The following PDZRN4 variants were observed in gnomAD, a reference collection of about 807,000 sequenced individuals.
PDZRN4 encodes the protein PDZ domain-containing RING finger protein 4.
A neutral mutation model predicts 99.0 loss-of-function variants in PDZRN4; 70 were observed. The ratio of observed to expected loss-of-function variants is 0.71; its 90% confidence interval spans 0.58 to 0.86. The LOEUF (loss-of-function observed/expected upper bound fraction) is 0.86. Among genes scored for constraint, PDZRN4 ranks in the 40% least tolerant of loss-of-function variants. PDZRN4 has a pLI of 0.00. For synonymous variants in PDZRN4, 551 were observed against 501.6 expected, an observed-to-expected ratio of 1.10 and a Z score of -1.32; for missense variants, 1,474 against 1,331.2, an observed-to-expected ratio of 1.11 and a Z score of -1.67.
At chr12:41,280,009 G>C (rs1218738480) in intron 3 of PDZRN4, among the ~76,000 whole-genome samples, 1 of 152,142 alleles carries the variant, frequency 6.6e-6, no homozygotes, top group African/African-American at 2.4e-5. Flanking sequence ...TCCAACAGAG[G>C]TACCCGGTTC....
chr12:41,559,437 T>C (rs146152146), intron 7 of PDZRN4, among the ~76,000 whole-genome samples: 141 of 152,322 alleles, frequency 9.3e-4, no homozygotes, highest in Non-Finnish European at 1.5e-3. Context: ...GTGCTGAATA[T>C]GGCATTTCTG....
At chr12:41,269,390 T>C (rs567115223) in intron 3 of PDZRN4, among the ~76,000 whole-genome samples, 2 of 152,284 alleles carry the variant, frequency 1.3e-5, no homozygotes, top group South Asian at 4.1e-4. Context: ...TTATGTATCA[T>C]ACAAGAAGCA....
chr12:41,410,005 C>T (rs66562278), intron 3 of PDZRN4: 29,080 of 152,166 alleles, frequency 0.19, 3,041 homozygotes, highest in Non-Finnish European at 0.23. Context: ...TGACTAATTA[C>T]ATCTGCAATA....
At chr12:41,340,052 T>A (rs1951805301) in intron 3 of PDZRN4, among the ~76,000 whole-genome samples, 1 of 152,082 alleles carries the variant, frequency 6.6e-6, no homozygotes, top group Admixed American at 6.6e-5. Flanking sequence ...ACCTCCTATA[T>A]GATCCAGCAA....
intron 3 of PDZRN4, among the ~76,000 whole-genome samples, chr12:41,240,748 C>T (rs933086718): frequency 1.3e-5 from 2 of 152,106 alleles, no homozygotes; most frequent in East Asian, 1.9e-4. Context: ...ACATGGTGGA[C>T]GGGGCCAGCT....
rs1482468390 is a variant in PDZRN4 at position 41,563,643 on chromosome 12, G to T, written c.1461G>T (p.Glu487Asp). The T allele has an allele frequency of 6.2e-7, 1 of 1,610,616 alleles. No individual in the cohort carries two copies. Among genetic ancestry groups the T allele is most frequent in the Non-Finnish European group, 8.5e-7 (1 of 1,177,232 alleles). ...TCGTGCTGCTTGTTGCAAGGCCAGA[G>T]ATTCAGGTCAGAACAGAGATCAAAA... ...KRIVLLVARP[E>D]IQLDEGWLED... is the part of the protein sequence containing the mutation. Residue 487 changes from glutamate (E) to aspartate (D), a missense_variant, in exon 8 of 10, where the codon GAG (glutamate) becomes GAT (aspartate). By Grantham distance (45) the Glu-to-Asp change is conservative. Coordinates refer to ENST00000402685, the MANE Select transcript of PDZRN4 (RefSeq NM_001164595.2).
chr12:41,492,479 A>G (rs923775328), intron 3 of PDZRN4, among the ~76,000 whole-genome samples: 3 of 152,188 alleles, frequency 2.0e-5, no homozygotes, highest in Non-Finnish European at 4.4e-5. Flanking sequence ...AGTAAAAGCC[A>G]TCATGTTGCT....
chr12:41,552,861 T>C, intron 6 of PDZRN4, 107 bp downstream of exon 6: 2 of 815,676 alleles, frequency 2.5e-6, no homozygotes, highest in Non-Finnish European at 4.0e-6. Context: ...ATGTGAAGAA[T>C]TGGAGTTGGC....
At chr12:41,540,828 G>A (rs1272739951) in intron 5 of PDZRN4, among the ~76,000 whole-genome samples, 1 of 151,260 alleles carries the variant, frequency 6.6e-6, no homozygotes, top group Non-Finnish European at 1.5e-5. Flanking sequence ...CTTTTTCTTG[G>A]ACTGCAGCCC....
In PDZRN4 at chr12:41,194,103, C is replaced by A. The variant is rs758898694; in HGVS notation, c.758C>A (p.Thr253Asn). 2.0e-6 allele frequency: 3 copies of A among 1,528,620 alleles called. No individual in the cohort carries two copies. Among genetic ancestry groups the A allele is most frequent in the Non-Finnish European group, 2.7e-6 (3 of 1,115,300 alleles). The allele number at this position is 1,528,620 out of a possible 1,614,324, so 94.7% of individuals were successfully genotyped here. The change falls in exon 3 of 10, where the codon ACT (threonine) becomes AAT (asparagine). Residue 253 changes from threonine (T) to asparagine (N), a missense_variant. Transcript: ENST00000402685. ...TAGAATAATCAGGAAGGAACATCGA[C>A]TGAAGGAATTTACGTTTCAAAAATT... ...PNQNNQEGTSTEGIYVSKILE... is the reference protein window; with the variant it reads ...PNQNNQEGTSNEGIYVSKILE...
At chr12:41,272,547 C>T (rs1313805152) in intron 3 of PDZRN4, among the ~76,000 whole-genome samples, 3 of 151,912 alleles carry the variant, frequency 2.0e-5, no homozygotes. Flanking sequence ...TTAATTGCCT[C>T]AATAAATATA....
chr12:41,307,741 T>C (rs893531841), intron 3 of PDZRN4, among the ~76,000 whole-genome samples: 5 of 152,186 alleles, frequency 3.3e-5, no homozygotes, highest in Non-Finnish European at 2.9e-5. Context: ...ATATCCACTC[T>C]TGATTACATA....
intron 3 of PDZRN4, among the ~76,000 whole-genome samples, chr12:41,239,547 C>T (rs940231471): frequency 3.3e-5 from 5 of 152,126 alleles, no homozygotes; most frequent in African/African-American, 1.2e-4. Context: ...AGTGTAATAA[C>T]ATAGGGAAAT....
chr12:41,530,594 C>T (rs1399242768), intron 5 of PDZRN4, among the ~76,000 whole-genome samples: 1 of 152,116 alleles, frequency 6.6e-6, no homozygotes, highest in Non-Finnish European at 1.5e-5. Flanking sequence ...TATGCATAGA[C>T]TGGTGCATAT....
In PDZRN4 at chr12:41,465,544, C is replaced by G. The variant is rs113284602; in HGVS notation, c.844-40912C>G. Among the ~76,000 whole-genome samples, 1,028 of 152,140 alleles carry G rather than the reference C, an allele frequency of 6.8e-3. 13 individuals carry two copies. The highest frequency in any genetic ancestry group is 0.023 in the African/African-American group (950 of 41,502). Reference sequence around the variant, plus strand: ...TATGTATTGAAACAATAGTAAATGCCCTTCTTTGCTTATAGATAGGTTAAT... The same window carrying G: ...TATGTATTGAAACAATAGTAAATGCGCTTCTTTGCTTATAGATAGGTTAAT... On this transcript the variant is annotated intron_variant, in intron 3 of 9. Coordinates refer to ENST00000402685, the MANE Select transcript of PDZRN4 (RefSeq NM_001164595.2).
intron 3 of PDZRN4, among the ~76,000 whole-genome samples, chr12:41,401,502 T>G (rs1379366512): frequency 7.2e-5 from 11 of 152,108 alleles, no homozygotes; most frequent in Admixed American, 7.2e-4. Flanking sequence ...AATTATCGAG[T>G]CAGCAACCTC....
At chr12:41,513,475 T>C (rs575913564) in intron 5 of PDZRN4, among the ~76,000 whole-genome samples, 87 of 152,194 alleles carry the variant, frequency 5.7e-4, no homozygotes, top group Admixed American at 1.8e-3. Flanking sequence ...TGGCACTTGT[T>C]CTCTAATTAA....
At chr12:41,446,793 T>C (rs1952732472) in intron 3 of PDZRN4, among the ~76,000 whole-genome samples, 1 of 151,368 alleles carries the variant, frequency 6.6e-6, no homozygotes, top group African/African-American at 2.4e-5. Flanking sequence ...AGAAACTTCA[T>C]GGAACAGCCA....
chr12:41,390,674 A>G (rs1952204103), intron 3 of PDZRN4, among the ~76,000 whole-genome samples: 1 of 151,976 alleles, frequency 6.6e-6, no homozygotes, highest in Non-Finnish European at 1.5e-5. Flanking sequence ...TCCCATCAAT[A>G]TTCAACGCAG....
Sources: allele counts gnomAD v4.1 joint callset (sites outside exome capture counted in the v4.1 genomes callset), GRCh38; gene constraint gnomAD v4.1.1; transcripts MANE v1.5; gene names NCBI Gene and HGNC (gene_info 2026-07-23, HGNC 2026-07-21).